Variants in FDFT1 observed in about 807,000 individuals in gnomAD.
The protein encoded by FDFT1 is farnesyl-diphosphate farnesyltransferase 1.
FDFT1 carries 68 observed loss-of-function variants against 46.8 expected under a neutral mutation model. The observed-to-expected ratio is 1.45, with a 90% confidence interval of 1.19 to 1.78. FDFT1 has a LOEUF of 1.78. Ranked by LOEUF, FDFT1 falls within the 40% of genes most tolerant of loss-of-function variation. The pLI is 0.00. For missense variants in FDFT1, 928 were observed against 524.4 expected (o/e 1.77, Z -7.52); for synonymous variants, 351 against 185.1 (o/e 1.90, Z -7.28).
rs906883877 is a variant in FDFT1 at position 11,802,746 on chromosome 8, A to T, written c.-87A>T. On this transcript the variant is annotated 5_prime_UTR_variant, in exon 1 of 8. Transcript: ENST00000220584. ...CCCTGTCCGGCCAGCCCCTCGAAGC[A>T]CCTACTCCACAGGTCCAGCCGGCCG... 1 of 1,024,922 alleles carries T rather than the reference A, an allele frequency of 9.8e-7. No individual in the cohort carries two copies. Among genetic ancestry groups the T allele is most frequent in the Non-Finnish European group, 1.5e-6 (1 of 670,854 alleles). The allele number at this position is 1,024,922 out of a possible 1,614,324, so 63.5% of individuals were successfully genotyped here.
intron 4 of FDFT1, among the ~76,000 whole-genome samples, chr8:11,823,946 G>C (rs559196721): frequency 6.6e-6 from 1 of 152,004 alleles, no homozygotes; most frequent in Admixed American, 6.6e-5. Flanking sequence ...GGGTTTCATC[G>C]TGTTGCCTAG....
chr8:11,837,205 G>A (rs556927931), intron 7 of FDFT1, among the ~76,000 whole-genome samples: 3 of 152,330 alleles, frequency 2.0e-5, no homozygotes, highest in East Asian at 1.9e-4. Flanking sequence ...TCGCATGGGC[G>A]AAACAACAGT....
intron 2 of FDFT1, 154 bp downstream of exon 2, chr8:11,809,045 A>G: frequency 7.4e-7 from 1 of 1,359,418 alleles, no homozygotes; most frequent in Non-Finnish European, 9.8e-7. Flanking sequence ...TTTACTTTAG[A>G]AAGCCCTTCC....
chr8:11,805,273 T>C (rs908435089), intron 1 of FDFT1, among the ~76,000 whole-genome samples: 9 of 152,188 alleles, frequency 5.9e-5, no homozygotes, highest in Non-Finnish European at 4.4e-5. Flanking sequence ...GAGGGCTGAT[T>C]ATTTCTATCA....
Position 11,830,250 on chromosome 8 carries a change from A to G in FDFT1, c.709A>G (p.Ser237Gly), listed in dbSNP as rs1236972772. 3 of 1,613,528 alleles carry G rather than the reference A, an allele frequency of 1.9e-6. No homozygotes were observed. Among genetic ancestry groups the G allele is most frequent in the African/African-American group, 1.3e-5 (1 of 75,010 alleles). ...AATCTTCTTATCTGTCTAGGTTTGGAGCAGGTATGTTAAGAAGTTAGGGGA... is the reference window on the plus strand; with the variant it reads ...AATCTTCTTATCTGTCTAGGTTTGGGGCAGGTATGTTAAGAAGTTAGGGGA... Reference protein sequence around the residue: ...GREFWPQEVWSRYVKKLGDFA... With the variant: ...GREFWPQEVWGRYVKKLGDFA... The change falls in exon 6 of 8, where the codon AGC becomes GGC. Residue 237 changes from serine to glycine, a missense_variant. By Grantham distance (56) the Ser-to-Gly change is moderately conservative. Transcript: ENST00000220584.
chr8:11,809,572 G>C, intron 2 of FDFT1, 95 bp from the exon 3 acceptor site: 2 of 1,360,982 alleles, frequency 1.5e-6, no homozygotes, highest in Non-Finnish European at 2.0e-6. Flanking sequence ...TTAAGGGTGA[G>C]ATGGGTTTAG....
upstream of FDFT1, among the ~76,000 whole-genome samples, chr8:11,799,363 A>C (rs755667138): frequency 6.6e-6 from 1 of 152,218 alleles, no homozygotes; most frequent in Non-Finnish European, 1.5e-5. Flanking sequence ...TGCTTATCTC[A>C]AGGCCAGCGT....
At chr8:11,810,119 C>T in intron 3 of FDFT1, 1 of 397,292 alleles carries the variant, frequency 2.5e-6, no homozygotes. Flanking sequence ...AATAATAACA[C>T]CTACCTCATG....
exon 1 of FDFT1, chr8:11,795,731 A>G (rs1805493880): frequency 6.6e-6 from 1 of 152,250 alleles, no homozygotes; most frequent in African/African-American, 2.4e-5. Flanking sequence ...CCAGTAAGAC[A>G]ACGAACCCAC....
upstream of FDFT1, chr8:11,802,434 A>G (rs1029376680): frequency 6.5e-6 from 3 of 459,616 alleles, no homozygotes; most frequent in South Asian, 4.6e-5. Context: ...CAGTCCCCAC[A>G]GCGTTCGCGC....
intron 3 of FDFT1, among the ~76,000 whole-genome samples, chr8:11,815,041 C>A (rs559596096): frequency 5.0e-4 from 76 of 152,206 alleles, no homozygotes; most frequent in Admixed American, 2.0e-3. Flanking sequence ...ACAACAGGCC[C>A]CGGTATGTGA....
chr8:11,796,402 A>C (rs1389610478), intron 1 of FDFT1, among the ~76,000 whole-genome samples: 1 of 152,192 alleles, frequency 6.6e-6, no homozygotes, highest in African/African-American at 2.4e-5. Context: ...AGAATACAGA[A>C]AGTTCAGGTT....
intron 3 of FDFT1, among the ~76,000 whole-genome samples, chr8:11,820,854 C>G (rs1383637938): frequency 6.6e-6 from 1 of 152,228 alleles, no homozygotes; most frequent in Non-Finnish European, 1.5e-5. Context: ...CCTGCTTTGG[C>G]TCACCCTCCA....
At chr8:11,825,635 T>C (rs73549709) in intron 4 of FDFT1, among the ~76,000 whole-genome samples, 2,171 of 151,782 alleles carry the variant, frequency 0.014, 68 homozygotes, top group African/African-American at 0.05. Context: ...GAAAGATTGC[T>C]TGGGTCCAGT....
In FDFT1 at chr8:11,802,801, G is replaced by C. The variant is rs372845223; in HGVS notation, c.-32G>C. 7 of 1,564,726 alleles carry C rather than the reference G, an allele frequency of 4.5e-6. No individual in the cohort carries two copies. The East Asian group carries it at 1.6e-4, about 36-fold the overall frequency. ...GCGCCTGGGGACCGCAGAGGTGAGAGTCGCGCCCGGGAGTCCGCCGCCTGC... is the reference window on the plus strand; with the variant it reads ...GCGCCTGGGGACCGCAGAGGTGAGACTCGCGCCCGGGAGTCCGCCGCCTGC... On this transcript the variant is annotated 5_prime_UTR_variant, in exon 1 of 8. Transcript: ENST00000220584.
At chr8:11,831,989 G>A (rs961548541) in intron 7 of FDFT1, among the ~76,000 whole-genome samples, 2 of 152,196 alleles carry the variant, frequency 1.3e-5, no homozygotes, top group African/African-American at 4.8e-5. Context: ...GGTGAGGAAT[G>A]TGAGGTTGAA....
chr8:11,803,394 C>G (rs1048860611), intron 1 of FDFT1: 10 of 1,289,600 alleles, frequency 7.8e-6, no homozygotes, highest in Non-Finnish European at 9.1e-6. Flanking sequence ...CCGGAGCTCT[C>G]CCCGCCTTGC....
chr8:11,799,030 G>A (rs190662241), upstream of FDFT1, among the ~76,000 whole-genome samples: 320 of 152,286 alleles, frequency 2.1e-3, 1 homozygote, highest in African/African-American at 7.1e-3. Flanking sequence ...CAGATTACAA[G>A]AGGAGCTACG....
intron 5 of FDFT1, among the ~76,000 whole-genome samples, chr8:11,828,052 A>C (rs990293741): frequency 6.6e-6 from 1 of 152,146 alleles, no homozygotes; most frequent in African/African-American, 2.4e-5. Context: ...AATTACAAAA[A>C]TTAGCCAAGT....
Sources: gnomAD v4.1 joint callset for allele counts (sites outside exome capture counted in the v4.1 genomes callset) on GRCh38, gnomAD v4.1.1 for gene constraint, MANE v1.5 for transcripts, NCBI Gene and HGNC (gene_info 2026-07-23, HGNC 2026-07-21) for gene names.